SAMSN1: variants seen among roughly 807,000 people sequenced by gnomAD.
The protein encoded by SAMSN1 is SAM domain, SH3 domain and nuclear localization signals 1.
In SAMSN1, 31 loss-of-function variants were observed where a neutral mutation model predicts 42.0. The ratio of observed to expected loss-of-function variants is 0.74; its 90% CI spans 0.55 to 1.00. The LOEUF is 1.00. Ranked by LOEUF, SAMSN1 falls within the 50% of genes least tolerant of loss-of-function variation. SAMSN1 has a pLI of 0.00. For synonymous variants in SAMSN1, 178 were observed against 151.9 expected, an observed-to-expected ratio of 1.17 and a Z score of -1.26; for missense variants, 464 against 439.4, an observed-to-expected ratio of 1.06 and a Z score of -0.50.
intron 3 of SAMSN1, among the ~76,000 whole-genome samples, chr21:14,513,709 T>C (rs1722743053): frequency 6.6e-6 from 1 of 152,208 alleles, no homozygotes; most frequent in Admixed American, 6.5e-5. Context: ...TACAGTAATA[T>C]ATGCCCTGAA....
At chr21:14,565,015 C>A (rs957141813) in intron 2 of SAMSN1, among the ~76,000 whole-genome samples, 1 of 152,074 alleles carries the variant, frequency 6.6e-6, no homozygotes, top group South Asian at 2.1e-4. Flanking sequence ...ATGTTTTGGG[C>A]TGGGAGTGGT....
intron 2 of SAMSN1, among the ~76,000 whole-genome samples, chr21:14,618,787 T>A (rs1982924217): frequency 6.6e-6 from 1 of 152,134 alleles, no homozygotes; most frequent in Non-Finnish European, 1.5e-5. Flanking sequence ...TGAAAAAATG[T>A]CTAGTCCTTT....
chr21:14,596,636 C>A (rs1982270292), intron 6 of SAMSN1, among the ~76,000 whole-genome samples: 1 of 152,120 alleles, frequency 6.6e-6, no homozygotes, highest in Non-Finnish European at 1.5e-5. Flanking sequence ...CTGGGGAAAC[C>A]AGATGACATT....
intron 4 of SAMSN1, among the ~76,000 whole-genome samples, chr21:14,612,319 G>T (rs992331140): frequency 6.6e-6 from 1 of 152,148 alleles, no homozygotes; most frequent in African/African-American, 2.4e-5. Flanking sequence ...CTCCCTATTT[G>T]CTGTAAAGTA....
At chr21:14,579,654 T>C (rs1182194635) in intron 2 of SAMSN1, among the ~76,000 whole-genome samples, 1 of 127,208 alleles carries the variant, frequency 7.9e-6, no homozygotes, top group Non-Finnish European at 1.7e-5. Context: ...TTTTTTTTTT[T>C]TTTTTTTTTT....
upstream of SAMSN1, among the ~76,000 whole-genome samples, chr21:14,550,085 A>T (rs557601635): frequency 1.5e-3 from 225 of 152,194 alleles, 1 homozygote; most frequent in African/African-American, 5.0e-3. Context: ...TATCTAGCTT[A>T]TTCTTACCAT....
At chr21:14,493,878 CTGGG>C (rs1986800074) in intron 7 of SAMSN1, among the ~76,000 whole-genome samples, 1 of 152,100 alleles carries the variant, frequency 6.6e-6, no homozygotes, top group African/African-American at 2.4e-5. Context: ...GCTGGTCTTG[CTGGG>C]ATTGCAGAAC....
At chr21:14,515,770 T>A (rs911932359) in intron 3 of SAMSN1, among the ~76,000 whole-genome samples, 2 of 152,168 alleles carry the variant, frequency 1.3e-5, no homozygotes, top group African/African-American at 4.8e-5. Flanking sequence ...GCATCCAGAA[T>A]ATATAAAAAA....
In SAMSN1 at chr21:14,526,753, AT is replaced by A. The variant is rs565949169; in HGVS notation, c.58-5533del. Among the ~76,000 whole-genome samples, 17 of 152,326 alleles carry A rather than the reference AT, an allele frequency of 1.1e-4. No individual in the cohort carries two copies. In the South Asian group the frequency reaches 3.3e-3, roughly 30 times the overall value. ...CCAAGAGGCTTGCTTTCTGAGCAGAATAAAAATTACGGCAAAGTTAGTTTGA... is the reference window on the plus strand; with the variant it reads ...CCAAGAGGCTTGCTTTCTGAGCAGAAAAAAATTACGGCAAAGTTAGTTTGA... On this transcript the variant is annotated intron_variant, in intron 1 of 7. Transcript: ENST00000400566.
chr21:14,591,554 C>T (rs1982085686), intron 7 of SAMSN1: 1 of 152,082 alleles, frequency 6.6e-6, no homozygotes, highest in African/African-American at 2.4e-5. Context: ...ATCTCAACAG[C>T]AGGCCAAAAA....
At chr21:14,528,595 C>G (rs1206107396) in intron 1 of SAMSN1, among the ~76,000 whole-genome samples, 1 of 152,214 alleles carries the variant, frequency 6.6e-6, no homozygotes, top group Admixed American at 6.5e-5. Flanking sequence ...AGTTTGGACA[C>G]TTAATGTAAA....
chr21:14,505,022 TAC>T (rs2123703355), intron 5 of SAMSN1, among the ~76,000 whole-genome samples: 2 of 152,286 alleles, frequency 1.3e-5, no homozygotes, highest in African/African-American at 4.8e-5. Context: ...GAAGGAAAGA[TAC>T]AGTCTTTTTC....
At chr21:14,556,456 T>C (rs906415679) in intron 2 of SAMSN1, among the ~76,000 whole-genome samples, 14 of 152,222 alleles carry the variant, frequency 9.2e-5, no homozygotes, top group African/African-American at 3.1e-4. Flanking sequence ...ATTACATAAA[T>C]CTGCATATAT....
chr21:14,563,128 T>C (rs1383359457), intron 2 of SAMSN1, among the ~76,000 whole-genome samples: 1 of 152,206 alleles, frequency 6.6e-6, no homozygotes, highest in Non-Finnish European at 1.5e-5. Context: ...AAGGAGACAC[T>C]GCTAAAGCAT....
chr21:14,558,912 A>C (rs1163537900), intron 2 of SAMSN1, among the ~76,000 whole-genome samples: 2 of 152,286 alleles, frequency 1.3e-5, no homozygotes, highest in Non-Finnish European at 2.9e-5. Context: ...AAACTATTTG[A>C]ATTTCCTTTT....
intron 1 of SAMSN1, among the ~76,000 whole-genome samples, chr21:14,522,988 G>A (rs1276641757): frequency 6.6e-6 from 1 of 152,126 alleles, no homozygotes; most frequent in Non-Finnish European, 1.5e-5. Context: ...GATGTGGGGG[G>A]AAACCCACAC....
chr21:14,602,069 T>A lies in SAMSN1; in HGVS notation c.353A>T (p.Asn118Ile), dbSNP rs1382260824. The A allele has an allele frequency of 5.8e-6, 4 of 693,524 alleles. No homozygotes were observed. In the East Asian group the frequency reaches 8.1e-5, roughly 14 times the overall value. The allele number at this position is 693,524 out of a possible 1,614,324, so 43.0% of individuals were successfully genotyped here. ...AGTTTTTCCTTGATAGGTATGTATG[T>A]TGTTACTTAGAAAATCATCTTCATT... Residue 118 changes from asparagine to isoleucine, a missense_variant, in exon 6 of 16, where the codon AAC becomes ATC. Transcript: ENST00000647101.
chr21:14,502,828 A>C (rs928446016), intron 5 of SAMSN1, among the ~76,000 whole-genome samples: 9 of 152,330 alleles, frequency 5.9e-5, no homozygotes, highest in Admixed American at 5.2e-4. Flanking sequence ...ATTTAATAGC[A>C]TGGAAGGGAT....
At chr21:14,544,512 G>A (rs1163827793) in intron 1 of SAMSN1, among the ~76,000 whole-genome samples, 1 of 152,182 alleles carries the variant, frequency 6.6e-6, no homozygotes, top group East Asian at 1.9e-4. Context: ...AAACATGCCT[G>A]TGCCTCTATA....
Sources: gnomAD v4.1 joint callset for allele counts (sites outside exome capture counted in the v4.1 genomes callset) on GRCh38, gnomAD v4.1.1 for gene constraint, MANE v1.5 for transcripts, NCBI Gene and HGNC (gene_info 2026-07-23, HGNC 2026-07-21) for gene names.